Variants in TCF12 observed in about 807,000 individuals in gnomAD.
TCF12 encodes the protein DNA-binding protein HTF4.
A neutral mutation model predicts 86.0 loss-of-function variants in TCF12; 45 were observed. The ratio of observed to expected loss-of-function variants is 0.52; its 90% CI spans 0.41 to 0.67. The LOEUF is 0.67. Ranked by LOEUF, TCF12 falls within the 30% of genes least tolerant of loss-of-function variation. The pLI, the probability that TCF12 is intolerant of heterozygous loss-of-function variation, is 0.00. For missense variants in TCF12, 881 were observed against 859.9 expected, an observed-to-expected ratio of 1.02 and a Z score of -0.31; for synonymous variants, 330 against 299.6, an observed-to-expected ratio of 1.10 and a Z score of -1.05.
chr15:56,946,586 A>G (rs2140402866), intron 3 of TCF12, among the ~76,000 whole-genome samples: 1 of 152,064 alleles, frequency 6.6e-6, no homozygotes, highest in African/African-American at 2.4e-5. Flanking sequence ...TCTTCTGGTT[A>G]TGGGTCACAT....
intron 3 of TCF12, among the ~76,000 whole-genome samples, chr15:57,035,801 CAG>C (rs1317996522): frequency 6.6e-6 from 1 of 152,122 alleles, no homozygotes; most frequent in African/African-American, 2.4e-5. Flanking sequence ...AGCCTTGACT[CAG>C]GGGTCCCCAA....
chr15:57,140,913 A>G (rs1175005713), intron 5 of TCF12, among the ~76,000 whole-genome samples: 5 of 152,092 alleles, frequency 3.3e-5, no homozygotes, highest in African/African-American at 1.2e-4. Flanking sequence ...ATCTCTGTCA[A>G]GGTATTGTCC....
chr15:57,264,380 T>C (rs560731802), intron 18 of TCF12, among the ~76,000 whole-genome samples: 1 of 151,606 alleles, frequency 6.6e-6, no homozygotes, highest in African/African-American at 2.4e-5. Context: ...TTTGTAGTTT[T>C]AGTGGAGACG....
At chr15:57,257,679 G>GTATATATATATATATATATATATA (rs55834033) in intron 16 of TCF12, among the ~76,000 whole-genome samples, 45 of 140,366 alleles carry the variant, frequency 3.2e-4, no homozygotes, top group African/African-American at 8.9e-4. Flanking sequence ...AAAAAAAAGT[G>GTATATATATATATATATATATATA]TATATATATA....
intron 4 of TCF12, among the ~76,000 whole-genome samples, chr15:57,085,491 T>G (rs1279724422): frequency 6.6e-6 from 1 of 152,170 alleles, no homozygotes; most frequent in African/African-American, 2.4e-5. Flanking sequence ...TGTGAGAGAT[T>G]AGTGAGTGGT....
intron 16 of TCF12, among the ~76,000 whole-genome samples, chr15:57,258,441 C>T (rs768508766): frequency 9.9e-5 from 15 of 152,130 alleles, no homozygotes; most frequent in Non-Finnish European, 1.8e-4. Flanking sequence ...ATGAAAAGTA[C>T]GGTTATTCCT....
rs539757842 is a variant in TCF12, at chr15:56,951,304, G to A, written c.148+30206G>A. On this transcript the variant is annotated intron_variant, in intron 3 of 20. Coordinates refer to ENST00000333725, the MANE Select transcript of TCF12 (RefSeq NM_207037.2). Reference sequence around the variant, plus strand: ...TTGTGTTTTTCTAATTACTAATGATGTTGAGTATCTTTTCATATACTTACT... The same window carrying A: ...TTGTGTTTTTCTAATTACTAATGATATTGAGTATCTTTTCATATACTTACT... Among the ~76,000 whole-genome samples, 5 of 152,202 alleles carry A rather than the reference G, an allele frequency of 3.3e-5. No individual in the cohort carries two copies. In the South Asian group the frequency reaches 8.3e-4, roughly 25 times the overall value.
chr15:57,187,609 A>G (rs1567591209), intron 6 of TCF12, among the ~76,000 whole-genome samples: 1 of 152,170 alleles, frequency 6.6e-6, no homozygotes, highest in Non-Finnish European at 1.5e-5. Flanking sequence ...CACGTAACCC[A>G]CAGGCTGTGG....
rs142453837 is a variant in TCF12, at chr15:57,077,216, T to C, written c.222+13393T>C. Among the ~76,000 whole-genome samples, 587 of 152,190 alleles carry C rather than the reference T, an allele frequency of 3.9e-3. 6 individuals are homozygous for C. Among genetic ancestry groups the C allele is most frequent in the African/African-American group, 0.013 (559 of 41,530 alleles). On this transcript the variant is annotated intron_variant, in intron 4 of 20. Transcript: ENST00000333725. ...GTGTAGGATTTTGATTAGGATTGCA[T>C]TGAGTCTGTAGATCAGTTGGAGGGG... is the stretch of plus-strand genomic sequence containing the variant.
chr15:57,247,081 C>G, intron 13 of TCF12: 1 of 567,666 alleles, frequency 1.8e-6, no homozygotes, highest in South Asian at 1.5e-5. Flanking sequence ...CTATAATTTC[C>G]GAACTCATTA....
intron 18 of TCF12, among the ~76,000 whole-genome samples, chr15:57,271,543 C>T (rs148483837): frequency 1.3e-5 from 2 of 152,196 alleles, no homozygotes; most frequent in Non-Finnish European, 2.9e-5. Flanking sequence ...CCTTGCACTT[C>T]CCACGTGAGG....
At chr15:57,251,171 A>T in intron 13 of TCF12, 179 bp from the exon 14 acceptor site, 1 of 463,770 alleles carries the variant, frequency 2.2e-6, no homozygotes, top group Non-Finnish European at 3.9e-6. Flanking sequence ...TTTTTTTATT[A>T]ATAATGAAAG....
At chr15:57,026,852 A>G (rs1478591223) in intron 3 of TCF12, among the ~76,000 whole-genome samples, 1 of 152,116 alleles carries the variant, frequency 6.6e-6, no homozygotes, top group African/African-American at 2.4e-5. Flanking sequence ...ATGGCGTAGT[A>G]TTTGCATATA....
intron 7 of TCF12, among the ~76,000 whole-genome samples, chr15:57,193,911 T>G (rs1258628825): frequency 6.6e-6 from 1 of 152,188 alleles, no homozygotes; most frequent in Non-Finnish European, 1.5e-5. Flanking sequence ...TTTTTGTTAT[T>G]AAAGAAAGGA....
intron 3 of TCF12, among the ~76,000 whole-genome samples, chr15:57,054,637 T>A: frequency 6.6e-6 from 1 of 152,204 alleles, no homozygotes; most frequent in Non-Finnish European, 1.5e-5. Flanking sequence ...TTTTATTGTA[T>A]GGTTGGATTT....
At chr15:57,167,183 T>C (rs2151547664) in intron 6 of TCF12, among the ~76,000 whole-genome samples, 1 of 152,366 alleles carries the variant, frequency 6.6e-6, no homozygotes, top group Middle Eastern at 3.4e-3. Flanking sequence ...TAATACTCCA[T>C]TTAATACATA....
intron 3 of TCF12, among the ~76,000 whole-genome samples, chr15:57,037,039 A>G (rs767387849): frequency 6.6e-6 from 1 of 152,232 alleles, no homozygotes; most frequent in Admixed American, 6.5e-5. Context: ...TAACTGGACA[A>G]GCAGGTAAGT....
intron 3 of TCF12, among the ~76,000 whole-genome samples, chr15:56,990,665 C>A (rs1451661364): frequency 6.6e-5 from 10 of 152,158 alleles, no homozygotes; most frequent in African/African-American, 2.4e-4. Flanking sequence ...TACTGCAGAA[C>A]TTGTAGCTTG....
At chr15:57,188,093 ATAAAT>A (rs1260420314) in intron 6 of TCF12, among the ~76,000 whole-genome samples, 1 of 152,220 alleles carries the variant, frequency 6.6e-6, no homozygotes, top group Non-Finnish European at 1.5e-5. Flanking sequence ...GAGCTAATAA[ATAAAT>A]TTAGTAAAGT....
Sources: allele counts gnomAD v4.1 joint callset (sites outside exome capture counted in the v4.1 genomes callset), GRCh38; gene constraint gnomAD v4.1.1; transcripts MANE v1.5; gene names NCBI Gene and HGNC (gene_info 2026-07-23, HGNC 2026-07-21).